DIS3L: variants seen among roughly 807,000 people sequenced by gnomAD.
DIS3L encodes DIS3-like exonuclease 1.
DIS3L carries 100 observed loss-of-function variants against 120.3 expected under a neutral mutation model. The ratio of observed to expected loss-of-function variants is 0.83; its 90% confidence interval spans 0.71 to 0.98. The LOEUF is 0.98. DIS3L is among the 50% of genes least tolerant of loss of function. The pLI, the probability that DIS3L is intolerant of heterozygous loss-of-function variation, is 0.00. For missense variants in DIS3L, 1,196 were observed against 1,314.2 expected (o/e 0.91, Z 1.39); for synonymous variants, 426 against 470.6 (o/e 0.91, Z 1.23).
intron 1 of DIS3L, chr15:66,294,387 T>C (rs1365114581): frequency 1.0e-6 from 1 of 984,952 alleles, no homozygotes; most frequent in Admixed American, 6.1e-5. Context: ...CATGGGAGGA[T>C]GAGAATGGGC....
chr15:66,310,926 T>C (rs1020389286), intron 4 of DIS3L, among the ~76,000 whole-genome samples: 1 of 151,178 alleles, frequency 6.6e-6, no homozygotes, highest in Non-Finnish European at 1.5e-5. Context: ...GCCCAGGAGG[T>C]CAAGGCTACA....
At chr15:66,302,742 CT>C (rs879480300) in intron 2 of DIS3L, among the ~76,000 whole-genome samples, 4 of 152,182 alleles carry the variant, frequency 2.6e-5, no homozygotes, top group Admixed American at 1.3e-4. Flanking sequence ...CTTTCAAGCA[CT>C]TATCCCACCG....
At chr15:66,319,913 A>C (rs1343650719) in intron 8 of DIS3L, among the ~76,000 whole-genome samples, 1 of 151,022 alleles carries the variant, frequency 6.6e-6, no homozygotes, top group African/African-American at 2.4e-5. Context: ...CTAGGAGTTC[A>C]AGACCAGCCT....
intron 1 of DIS3L, 100 bp from the exon 2 acceptor site, chr15:66,294,888 T>G: frequency 8.0e-7 from 1 of 1,252,192 alleles, no homozygotes. Flanking sequence ...ACCATGGAGT[T>G]AAGACTGGAA....
intron 7 of DIS3L, among the ~76,000 whole-genome samples, chr15:66,315,782 C>A (rs973664838): frequency 6.6e-6 from 1 of 152,216 alleles, no homozygotes; most frequent in African/African-American, 2.4e-5. Flanking sequence ...GTCTCTCATG[C>A]CTGCCATTCT....
intron 3 of DIS3L, 35 bp downstream of exon 3, chr15:66,306,987 C>A: frequency 6.2e-7 from 1 of 1,608,294 alleles, no homozygotes; most frequent in South Asian, 1.1e-5. Context: ...TTCACACTGT[C>A]GTCTTCTTTC....
rs1006436351 is a variant in DIS3L at position 66,333,165 on chromosome 15, A to C, written c.3018A>C (p.Glu1006Asp). ...LVKEVTKSVE[E>D]AQLAQEVKVN... ...AAGAAGTAACTAAATCTGTGGAAGA[A>C]GCTCAGCTTGCCCAAGAAGTCAAAG... The change falls in exon 17 of 17, where the codon GAA becomes GAC. Residue 1006 changes from glutamate to aspartate, a missense_variant. Glu to Asp is a conservative substitution (Grantham distance 45). Coordinates refer to ENST00000319212, the MANE Select transcript of DIS3L (RefSeq NM_001143688.3). 20 of 1,614,054 alleles carry C rather than the reference A, an allele frequency of 1.2e-5. No homozygotes were observed. Among genetic ancestry groups the C allele is most frequent in the Non-Finnish European group, 1.7e-5 (20 of 1,180,044 alleles).
chr15:66,294,093 A>C, intron 1 of DIS3L: 2 of 985,796 alleles, frequency 2.0e-6, no homozygotes, highest in Non-Finnish European at 1.2e-6. Flanking sequence ...AGAAATGGGG[A>C]GGTCCCGAGC....
intron 9 of DIS3L, among the ~76,000 whole-genome samples, chr15:66,321,725 C>T (rs751814495): frequency 3.8e-4 from 57 of 150,636 alleles, no homozygotes; most frequent in Middle Eastern, 3.2e-3. Flanking sequence ...GAGATCGCAC[C>T]GCTGCACTCC....
intron 14 of DIS3L, chr15:66,329,653 G>T (rs2092978310): frequency 8.7e-7 from 1 of 1,151,724 alleles, no homozygotes; most frequent in African/African-American, 1.6e-5. Flanking sequence ...AAGATATGAT[G>T]ACAGAGGCCA....
At chr15:66,309,663 A>G (rs993438657) in intron 4 of DIS3L, among the ~76,000 whole-genome samples, 1 of 152,190 alleles carries the variant, frequency 6.6e-6, no homozygotes, top group Non-Finnish European at 1.5e-5. Flanking sequence ...ACAGTAGAAA[A>G]TGGTAGGGCT....
rs61729809 is a variant in DIS3L, at chr15:66,329,232, G to A, written c.2368G>A (p.Asp790Asn). 6.3e-7 allele frequency: 1 copy of A among 1,599,758 alleles called. No individual in the cohort carries two copies. The highest frequency in any genetic ancestry group is 8.5e-7 in the Non-Finnish European group (1 of 1,173,894). Residue 790 changes from aspartate to asparagine, a missense_variant, in exon 14 of 17, where the codon GAT (aspartate) becomes AAT (asparagine). By Grantham distance (23) the Asp-to-Asn change is conservative (BLOSUM62 1). Coordinates refer to ENST00000319212, the MANE Select transcript of DIS3L (RefSeq NM_001143688.3). ...CTTTCTTTTTGAAGGTCTTGCATTA[G>A]ATAAATATACCCACTTTACTTCTCC... Reference protein sequence around the residue: ...EEFHHYGLALDKYTHFTSPIR... With the variant: ...EEFHHYGLALNKYTHFTSPIR...
At chr15:66,298,605 C>T (rs2092615077) in intron 2 of DIS3L, among the ~76,000 whole-genome samples, 1 of 152,192 alleles carries the variant, frequency 6.6e-6, no homozygotes, top group Admixed American at 6.5e-5. Flanking sequence ...ATTTTGACTT[C>T]AATAATATCA....
rs557178467 is a variant in DIS3L at position 66,331,233 on chromosome 15, A to G, written c.2536-642A>G. Among the ~76,000 whole-genome samples, 500 of 152,114 alleles carry G rather than the reference A, an allele frequency of 3.3e-3. 2 individuals carry two copies. The highest frequency in any genetic ancestry group is 0.012 in the African/African-American group (478 of 41,522). ...GTAGTGCTAATTTAGACTTCCACCA[A>G]TAGGGTTTTCATTGGACAGGCTTGA... On this transcript the variant is annotated intron_variant, in intron 14 of 16. Transcript: ENST00000319212.
chr15:66,293,563 C>A, upstream of DIS3L: 1 of 1,407,496 alleles, frequency 7.1e-7, no homozygotes, highest in Non-Finnish European at 9.3e-7. Context: ...TCCGCCGCGC[C>A]CGCCACTCCG....
At chr15:66,323,082 T>A (rs2092902515) in intron 10 of DIS3L, 148 bp downstream of exon 10, 2 of 939,258 alleles carry the variant, frequency 2.1e-6, no homozygotes, top group Non-Finnish European at 1.6e-6. Flanking sequence ...ACTCTCCATT[T>A]TCCTTTAGAA....
At position 66,293,664 on chromosome 15, in the gene DIS3L, G is replaced by C. The variant is rs2092547474; in HGVS notation, c.68G>C (p.Arg23Pro). 6 of 1,428,902 alleles carry C rather than the reference G, an allele frequency of 4.2e-6. No homozygotes were observed. The highest frequency in any genetic ancestry group is 5.5e-6 in the Non-Finnish European group (6 of 1,090,470). 88.5% of individuals were successfully genotyped at this position (1,428,902 alleles called of 1,614,324 possible). A position where few individuals can be genotyped will look rare whatever the true frequency, so the allele number is the denominator to read the frequency against. Residue 23 changes from arginine to proline, a missense_variant, in exon 1 of 17, where the codon CGC becomes CCC. By Grantham distance (103) the Arg-to-Pro change is moderately radical. Coordinates refer to ENST00000319212, the MANE Select transcript of DIS3L (RefSeq NM_001143688.3). ...TFQGRTLRIV[R>P]EHYLRPCVPC... ...CAGGGCCGCACGCTGCGGATCGTGC[G>C]CGAGCACTACCTGCGGCCCTGCGTG... is the stretch of plus-strand genomic sequence containing the variant.
At chr15:66,327,515 T>C (rs2140407605) in intron 12 of DIS3L, among the ~76,000 whole-genome samples, 2 of 152,110 alleles carry the variant, frequency 1.3e-5, no homozygotes, top group East Asian at 3.9e-4. Context: ...CCCAGTACTT[T>C]GGGAGGCCGA....
intron 12 of DIS3L, 59 bp from the exon 13 acceptor site, chr15:66,328,911 A>C: frequency 6.4e-7 from 1 of 1,554,272 alleles, no homozygotes. Flanking sequence ...TTCCCCTCAA[A>C]GTGTTGTCTT....
Sources: gnomAD v4.1 joint callset for allele counts (sites outside exome capture counted in the v4.1 genomes callset) on GRCh38, gnomAD v4.1.1 for gene constraint, MANE v1.5 for transcripts, NCBI Gene and HGNC (gene_info 2026-07-23, HGNC 2026-07-21) for gene names.